Variants in BRI3 observed in about 807,000 individuals in gnomAD.
BRI3 encodes the protein brain protein I3.
A neutral mutation model predicts 12.8 loss-of-function variants in BRI3; 6 were observed. The observed-to-expected ratio is 0.47, with a 90% CI of 0.26 to 0.93. The LOEUF (loss-of-function observed/expected upper bound fraction) is 0.93, where lower values mean the gene tolerates loss of function less well. BRI3 is among the 40% of genes least tolerant of loss of function. BRI3 has a pLI of 0.15. For synonymous variants in BRI3, 91 were observed against 76.1 expected, an observed-to-expected ratio of 1.20 and a Z score of -1.02; for missense variants, 134 against 171.1, an observed-to-expected ratio of 0.78 and a Z score of 1.21.
intron 2 of BRI3, chr7:98,283,053 CGCTT>C: frequency 1.8e-5 from 1 of 56,584 alleles, no homozygotes. Flanking sequence ...GACCTGCACA[CGCTT>C]TTTGGTTTTT....
At chr7:98,320,353 G>T in the BRI3 span, 1 of 1,390,084 alleles carries the variant, frequency 7.2e-7, no homozygotes, top group Non-Finnish European at 1.0e-6. Flanking sequence ...TTTTTGTTTT[G>T]AAATGGAGTT....
downstream of BRI3, among the ~76,000 whole-genome samples, chr7:98,293,795 C>T (rs117448713): frequency 9.3e-3 from 1,413 of 152,326 alleles, 8 homozygotes; most frequent in Non-Finnish European, 0.015. Flanking sequence ...TGCTGCAGAA[C>T]GATCCCAGGT....
downstream of BRI3, chr7:98,293,971 C>T: frequency 1.5e-6 from 2 of 1,356,768 alleles, no homozygotes; most frequent in South Asian, 2.4e-5. Context: ...CGAGGCCTTT[C>T]TCAGGCTGGA....
At chr7:98,296,612 AG>A (rs1300482248), downstream of BRI3, among the ~76,000 whole-genome samples, 2 of 152,202 alleles carry the variant, frequency 1.3e-5, no homozygotes, top group Admixed American at 1.3e-4. Flanking sequence ...CAACAGAGTG[AG>A]ACTCCATCTG....
chr7:98,320,445 C>T, the BRI3 span: 2 of 630,290 alleles, frequency 3.2e-6, no homozygotes, highest in Admixed American at 3.1e-5. Context: ...AAACTATTCT[C>T]CTGCCTCAGC....
At chr7:98,312,228 G>A, downstream of BRI3, 1 of 1,613,336 alleles carries the variant, frequency 6.2e-7, no homozygotes, top group Non-Finnish European at 8.5e-7. Context: ...CAGGTCTCCT[G>A]CCACCGAGGC....
downstream of BRI3, among the ~76,000 whole-genome samples, chr7:98,297,856 A>G (rs910636656): frequency 1.3e-5 from 2 of 152,226 alleles, no homozygotes; most frequent in African/African-American, 4.8e-5. Flanking sequence ...GCTTTTACAA[A>G]GGAGAGCTGT....
At chr7:98,313,794 T>C (rs370271824), downstream of BRI3, among the ~76,000 whole-genome samples, 9 of 137,764 alleles carry the variant, frequency 6.5e-5, no homozygotes, top group African/African-American at 2.1e-4. Context: ...AATTAAAACT[T>C]TTTTTTTTTT....
intron 1 of BRI3, among the ~76,000 whole-genome samples, chr7:98,298,469 C>T (rs949015988): frequency 6.6e-6 from 1 of 152,058 alleles, no homozygotes; most frequent in African/African-American, 2.4e-5. Context: ...AAAACTTAGC[C>T]AGGCGTAGTG....
intron 1 of BRI3, chr7:98,307,476 A>G (rs1456882959): frequency 4.2e-6 from 6 of 1,420,720 alleles, no homozygotes; most frequent in Non-Finnish European, 5.5e-6. Flanking sequence ...ATACGCTCTA[A>G]TAACTATGCA....
chr7:98,292,345 C>T (rs1799999700), downstream of BRI3: 2 of 378,280 alleles, frequency 5.3e-6, no homozygotes, highest in East Asian at 1.1e-4. Context: ...CCTCAGCCTC[C>T]TGAGTGGCGC....
chr7:98,312,874 T>G (rs1159868713), downstream of BRI3, among the ~76,000 whole-genome samples: 1 of 152,094 alleles, frequency 6.6e-6, no homozygotes, highest in African/African-American at 2.4e-5. Flanking sequence ...AGAGTGCCCC[T>G]CCAGCACCCA....
At chr7:98,307,527 T>C (rs1036717723) in exon 2 of BRI3, 1 of 1,451,502 alleles carries the variant, frequency 6.9e-7, no homozygotes, top group Non-Finnish European at 9.0e-7. Flanking sequence ...ATACAGAAAA[T>C]AGCCTGGGAT....
downstream of BRI3, chr7:98,291,881 C>T (rs1300013995): frequency 6.5e-6 from 1 of 153,120 alleles, no homozygotes; most frequent in Non-Finnish European, 1.5e-5. Context: ...AGGTGTCACC[C>T]ACACCCCAGC....
intron 2 of BRI3, among the ~76,000 whole-genome samples, chr7:98,290,779 G>A (rs1295474482): frequency 3.3e-5 from 5 of 152,270 alleles, no homozygotes; most frequent in African/African-American, 7.2e-5. Context: ...GATTACAGGC[G>A]TGAGCCACCA....
In BRI3 at chr7:98,291,260, G is replaced by A. The variant is rs375398915; in HGVS notation, c.*17G>A. ...TTCGCTTAAAGGGAACACCAGGCCCGGCTTTCCTACACCCAGCTCTCTTTT... is the reference window on the plus strand; with the variant it reads ...TTCGCTTAAAGGGAACACCAGGCCCAGCTTTCCTACACCCAGCTCTCTTTT... On this transcript the variant is annotated 3_prime_UTR_variant, in exon 3 of 3. Coordinates refer to ENST00000297290, the MANE Select transcript of BRI3 (RefSeq NM_015379.5). 48 of 1,612,076 alleles carry A rather than the reference G, an allele frequency of 3.0e-5. No homozygotes were observed. The highest frequency in any genetic ancestry group is 3.8e-5 in the Non-Finnish European group (45 of 1,179,950).
At chr7:98,317,570 C>T in the BRI3 span, among the ~76,000 whole-genome samples, 1 of 151,308 alleles carries the variant, frequency 6.6e-6, no homozygotes, top group African/African-American at 2.4e-5. Context: ...GCACCATCCT[C>T]ATGCTGACCA....
intron 1 of BRI3, among the ~76,000 whole-genome samples, chr7:98,300,690 C>T (rs1482429351): frequency 6.6e-6 from 1 of 152,114 alleles, no homozygotes; most frequent in Non-Finnish European, 1.5e-5. Flanking sequence ...TCAGGAAGCA[C>T]CACCGTGAGG....
Position 98,281,949 on chromosome 7 carries a change from A to G in BRI3, c.142+12A>G, listed in dbSNP as rs1799530949. The G allele has an allele frequency of 7.7e-7, 1 of 1,298,620 alleles. No individual in the cohort carries two copies. Among genetic ancestry groups the G allele is most frequent in the Non-Finnish European group, 9.8e-7 (1 of 1,025,480 alleles). 80.4% of individuals were successfully genotyped at this position (1,298,620 alleles called of 1,614,324 possible). A position where few individuals can be genotyped will look rare whatever the true frequency, so the allele number is the denominator to read the frequency against. ...CTACCTCGTCACAGGTGGGCCCGTA[A>G]CCAACTTTCCCCGCCGGCGGCTTCC... On this transcript the variant is annotated intron_variant, in intron 1 of 2. Coordinates refer to ENST00000297290, the MANE Select transcript of BRI3 (RefSeq NM_015379.5).
Sources: gnomAD v4.1 joint callset for allele counts (sites outside exome capture counted in the v4.1 genomes callset) on GRCh38, gnomAD v4.1.1 for gene constraint, MANE v1.5 for transcripts, NCBI Gene and HGNC (gene_info 2026-07-23, HGNC 2026-07-21) for gene names.